The following DIP2C variants were observed in gnomAD, a reference collection of about 807,000 sequenced individuals.
DIP2C encodes the protein disco-interacting protein 2 homolog C.
DIP2C carries 33 observed loss-of-function variants against 192.4 expected under a neutral mutation model. That is an observed-to-expected ratio of 0.17 (90% CI 0.13 to 0.23). The LOEUF (loss-of-function observed/expected upper bound fraction) is 0.23. DIP2C is among the 10% of genes least tolerant of loss of function. The pLI is 1.00. For missense variants in DIP2C, 1,537 were observed against 2,110.1 expected (o/e 0.73, Z 5.32); for synonymous variants, 979 against 864.1 (o/e 1.13, Z -2.33).
At chr10:607,691 A>G (rs189878353) in intron 1 of DIP2C, among the ~76,000 whole-genome samples, 1 of 152,318 alleles carries the variant, frequency 6.6e-6, no homozygotes, top group East Asian at 1.9e-4. Flanking sequence ...AGTTCACGCC[A>G]TAAGGTTGAA....
At chr10:464,908 CAA>C (rs1970084224) in intron 3 of DIP2C, among the ~76,000 whole-genome samples, 1 of 150,674 alleles carries the variant, frequency 6.6e-6, no homozygotes, top group Non-Finnish European at 1.5e-5. Flanking sequence ...GTTTACCAAC[CAA>C]AAAGAGTCCA....
intron 19 of DIP2C, among the ~76,000 whole-genome samples, chr10:365,232 C>T (rs555701973): frequency 1.3e-5 from 2 of 152,322 alleles, no homozygotes; most frequent in Admixed American, 1.3e-4. Flanking sequence ...TCAGCCACAT[C>T]CAAAGTTCTC....
chr10:307,243 G>C (rs945294914), intron 32 of DIP2C, among the ~76,000 whole-genome samples: 2 of 152,214 alleles, frequency 1.3e-5, no homozygotes, highest in Non-Finnish European at 2.9e-5. Context: ...AATGGAAACA[G>C]ACTAAGGCAA....
At chr10:349,957 TCAAACGCATTTTCA>T (rs1219826300) in intron 24 of DIP2C, among the ~76,000 whole-genome samples, 3 of 152,302 alleles carry the variant, frequency 2.0e-5, no homozygotes, top group Non-Finnish European at 4.4e-5. Context: ...AAAAGAACTA[TCAAACGCATTTTCA>T]CATAGACTTT....
intron 1 of DIP2C, among the ~76,000 whole-genome samples, chr10:535,434 C>T (rs1336730440): frequency 6.6e-6 from 1 of 152,070 alleles, no homozygotes; most frequent in Non-Finnish European, 1.5e-5. Context: ...TAGTACTCCC[C>T]ACAGAACAGA....
Position 547,737 on chromosome 10 carries a change from C to T in DIP2C, c.86-61207G>A, listed in dbSNP as rs974431679. On this transcript the variant is annotated intron_variant, in intron 1 of 36. Transcript: ENST00000280886. ...GCTTTTCCCACAGGCTCCCAGAAAT[C>T]ATCCTCAAATCATCTCTCAGTTTAT... Among the ~76,000 whole-genome samples the T allele has an allele frequency of 5.9e-5, 9 of 152,120 alleles. No individual in the cohort carries two copies. The East Asian group carries it at 1.3e-3, about 23-fold the overall frequency.
intron 1 of DIP2C, among the ~76,000 whole-genome samples, chr10:553,335 C>A (rs553554318): frequency 1.3e-5 from 2 of 152,346 alleles, no homozygotes; most frequent in African/African-American, 4.8e-5. Flanking sequence ...GGCGCCTGGT[C>A]ACTCAAGAAG....
chr10:347,597 G>T (rs547487496), intron 26 of DIP2C, among the ~76,000 whole-genome samples: 2 of 132,868 alleles, frequency 1.5e-5, no homozygotes, highest in Admixed American at 7.4e-5. Context: ...ATCGCGCATA[G>T]TTCTCCCGGA....
chr10:617,580 T>C (rs922042264), intron 1 of DIP2C, among the ~76,000 whole-genome samples: 3 of 152,010 alleles, frequency 2.0e-5, no homozygotes, highest in Non-Finnish European at 4.4e-5. Context: ...CCACCTCCCA[T>C]TGCTCCACGC....
rs775063538 is a variant in DIP2C, at chr10:363,359, CA to C, written c.2478-49del. The C allele has an allele frequency of 3.9e-6, 6 of 1,538,254 alleles. No individual in the cohort carries two copies. Among genetic ancestry groups the C allele is most frequent in the Non-Finnish European group, 5.3e-6 (6 of 1,122,192 alleles). ...TGAGCACGCGCCGGGGACGCTCATG[CA>C]GCCCTCCCTCCGCCATCAGGGGCTC... On this transcript the variant is annotated intron_variant, in intron 20 of 36. Transcript: ENST00000280886. The surrounding 1 kb of genome is among the most constrained non-coding windows in gnomAD (Gnocchi z 5.4).
chr10:610,275 G>A (rs538713032), intron 1 of DIP2C, among the ~76,000 whole-genome samples: 14 of 152,316 alleles, frequency 9.2e-5, no homozygotes, highest in African/African-American at 3.4e-4. Context: ...TGTCATGGAG[G>A]CCAAAAGTAG....
At chr10:468,347 G>A (rs1336325743) in intron 3 of DIP2C, among the ~76,000 whole-genome samples, 4 of 152,146 alleles carry the variant, frequency 2.6e-5, no homozygotes, top group Non-Finnish European at 5.9e-5. Context: ...TGGCTGCCAT[G>A]ACACATAAAG....
At position 288,910 on chromosome 10, in the gene DIP2C, G is replaced by C. The variant is rs553448904; in HGVS notation, c.3987-489C>G. ...AGAATTGCTGGGCCCTGACGGCAAA[G>C]GTACTCAGAAAAGAAACTCTTACTT... On this transcript the variant is annotated intron_variant, in intron 32 of 36. Coordinates refer to ENST00000280886, the MANE Select transcript of DIP2C (RefSeq NM_014974.3). 5.3e-5 allele frequency among the ~76,000 whole-genome samples: 8 copies of C among 152,310 alleles called. No homozygotes were observed. In the East Asian group the frequency reaches 1.5e-3, roughly 29 times the overall value.
At chr10:535,706 T>C (rs1169292928) in intron 1 of DIP2C, among the ~76,000 whole-genome samples, 2 of 152,148 alleles carry the variant, frequency 1.3e-5, no homozygotes, top group Admixed American at 6.5e-5. Context: ...ATAAAAACTG[T>C]ATGTGGGCTA....
chr10:581,129 A>C (rs137951400), intron 1 of DIP2C, among the ~76,000 whole-genome samples: 22 of 152,304 alleles, frequency 1.4e-4, no homozygotes, highest in African/African-American at 5.3e-4. Flanking sequence ...ATCCAACACC[A>C]AAGTAGGATT....
intron 1 of DIP2C, among the ~76,000 whole-genome samples, chr10:488,445 C>CG (rs1341520825): frequency 6.6e-6 from 1 of 152,202 alleles, no homozygotes; most frequent in Non-Finnish European, 1.5e-5. Flanking sequence ...ATGGTACTCA[C>CG]GTTCCTCACC....
At chr10:477,255 T>C (rs1228304829) in intron 2 of DIP2C, among the ~76,000 whole-genome samples, 4 of 94,730 alleles carry the variant, frequency 4.2e-5, no homozygotes, top group African/African-American at 1.9e-4. Flanking sequence ...AAAGAATGGA[T>C]GGATAGGAGG....
chr10:614,317 G>T (rs181786746), intron 1 of DIP2C, among the ~76,000 whole-genome samples: 60 of 152,352 alleles, frequency 3.9e-4, no homozygotes, highest in African/African-American at 1.3e-3. Context: ...TCGGAGACGG[G>T]AGCCTGGCCA....
chr10:292,241 G>A (rs1344468310), intron 32 of DIP2C, among the ~76,000 whole-genome samples: 1 of 152,206 alleles, frequency 6.6e-6, no homozygotes, highest in Non-Finnish European at 1.5e-5. Context: ...AACCATTACT[G>A]CTGACACCCT....
Sources: allele counts gnomAD v4.1 joint callset (sites outside exome capture counted in the v4.1 genomes callset), GRCh38; gene constraint gnomAD v4.1.1; non-coding constraint Gnocchi (gnomAD v3.1); transcripts MANE v1.5; gene names NCBI Gene and HGNC (gene_info 2026-07-23, HGNC 2026-07-21).